TTC6: variants seen among roughly 807,000 people sequenced by gnomAD.
TTC6 encodes tetratricopeptide repeat domain 6.
A neutral mutation model predicts 210.4 loss-of-function variants in TTC6; 172 were observed. That is an observed-to-expected ratio of 0.82 (90% CI 0.72 to 0.93). TTC6 has a LOEUF of 0.93. Ranked by LOEUF, TTC6 falls within the 40% of genes least tolerant of loss-of-function variation. The pLI, the probability that TTC6 is intolerant of heterozygous loss-of-function variation, is 0.00. For synonymous variants in TTC6, 804 were observed against 819.6 expected, an observed-to-expected ratio of 0.98 and a Z score of 0.32; for missense variants, 2,414 against 2,318.1, an observed-to-expected ratio of 1.04 and a Z score of -0.85.
In TTC6 at chr14:37,833,191, C is replaced by T. The variant is rs2096190029; in HGVS notation, c.5298+5825C>T. 3.9e-5 allele frequency among the ~76,000 whole-genome samples: 6 copies of T among 151,996 alleles called. No individual in the cohort carries two copies. In the South Asian group the frequency reaches 1.2e-3, roughly 31 times the overall value. On this transcript the variant is annotated intron_variant, in intron 29 of 30. Coordinates refer to ENST00000553443, the Ensembl canonical transcript of TTC6. ...TGATTTTCTGTCTAGATAATCTGTCCAATGCTGAGTGAGGTGTTGAAGTCC... is the reference window on the plus strand; with the variant it reads ...TGATTTTCTGTCTAGATAATCTGTCTAATGCTGAGTGAGGTGTTGAAGTCC...
intron 23 of TTC6, 28 bp downstream of exon 25, chr14:37,807,488 G>T: frequency 6.9e-7 from 1 of 1,439,452 alleles, no homozygotes; most frequent in South Asian, 1.5e-5. Flanking sequence ...CTGGTTTACC[G>T]AAATTTTAGG....
chr14:37,638,804 A>G (rs1476865599), intron 1 of TTC6, among the ~76,000 whole-genome samples: 1 of 152,178 alleles, frequency 6.6e-6, no homozygotes, highest in Non-Finnish European at 1.5e-5. Flanking sequence ...ATATGAATCT[A>G]CAGTCATCTC....
At chr14:37,632,294 GT>G (rs1197751181) in intron 1 of TTC6, among the ~76,000 whole-genome samples, 9 of 152,140 alleles carry the variant, frequency 5.9e-5, no homozygotes, top group Non-Finnish European at 1.2e-4. Flanking sequence ...TTTGCATGGG[GT>G]TTTTGTGTGG....
intron 1 of TTC6, among the ~76,000 whole-genome samples, chr14:37,662,475 A>G (rs139775352): frequency 7.2e-5 from 11 of 152,214 alleles, no homozygotes; most frequent in Admixed American, 5.9e-4. Context: ...CGTATGTTGA[A>G]CCAGCCTTGC....
chr14:37,677,085 A>G (rs973020349), intron 1 of TTC6, among the ~76,000 whole-genome samples: 3 of 151,850 alleles, frequency 2.0e-5, no homozygotes, highest in South Asian at 2.1e-4. Context: ...CAGTTTTTCT[A>G]TTTCTGAAAA....
intron 14 of TTC6, among the ~76,000 whole-genome samples, chr14:37,770,451 G>A (rs1348606288): frequency 6.6e-6 from 1 of 151,546 alleles, no homozygotes; most frequent in Non-Finnish European, 1.5e-5. Context: ...TCTCTTTGTA[G>A]GTCACTCAGG....
Position 37,701,546 on chromosome 14 carries a change from T to C in TTC6, c.1571+20T>C. 7.0e-7 allele frequency: 1 copy of C among 1,430,874 alleles called. No homozygotes were observed. The highest frequency in any genetic ancestry group is 9.1e-7 in the Non-Finnish European group (1 of 1,097,652). The allele number at this position is 1,430,874 out of a possible 1,614,324, so 88.6% of individuals were successfully genotyped here. ...AGATAGGTAAGAGTTCCACTGGTAA[T>C]TTGATTTTAAGCTAAATGTAAACTG... On this transcript the variant is annotated intron_variant, in intron 5 of 30. Transcript: ENST00000553443.
intron 7 of TTC6, among the ~76,000 whole-genome samples, chr14:37,726,630 C>A (rs1481989637): frequency 6.6e-6 from 1 of 151,796 alleles, no homozygotes; most frequent in African/African-American, 2.4e-5. Context: ...AACTGGATAG[C>A]ATTTCATCAT....
chr14:37,637,186 A>G (rs2095682622), intron 1 of TTC6, among the ~76,000 whole-genome samples: 1 of 152,214 alleles, frequency 6.6e-6, no homozygotes. Flanking sequence ...AATCTGTCTC[A>G]TGGACTTAAA....
At chr14:37,597,393 T>A (rs897025329) in intron 1 of TTC6, among the ~76,000 whole-genome samples, 1 of 151,822 alleles carries the variant, frequency 6.6e-6, no homozygotes, top group African/African-American at 2.4e-5. Context: ...CTACCGAGAG[T>A]AACAATTTAT....
At chr14:37,608,732 T>G (rs2095629481) in intron 2 of TTC6, among the ~76,000 whole-genome samples, 1 of 152,182 alleles carries the variant, frequency 6.6e-6, no homozygotes, top group Non-Finnish European at 1.5e-5. Context: ...GGGCCCTAAT[T>G]GTGGGGAGCC....
At chr14:37,810,212 A>G (rs2096126892) in intron 24 of TTC6, among the ~76,000 whole-genome samples, 1 of 152,078 alleles carries the variant, frequency 6.6e-6, no homozygotes, top group Admixed American at 6.5e-5. Flanking sequence ...TGATTGAAAG[A>G]TCATTTATTA....
chr14:37,727,576 A>G (rs997935523), intron 7 of TTC6, among the ~76,000 whole-genome samples: 4 of 152,006 alleles, frequency 2.6e-5, no homozygotes, highest in Non-Finnish European at 5.9e-5. Context: ...TACAGGTGTG[A>G]GCCACCACGC....
At chr14:37,749,571 TTTTG>T in intron 11 of TTC6, 139 bp from the exon 14 acceptor site, 1 of 1,033,976 alleles carries the variant, frequency 9.7e-7, no homozygotes, top group East Asian at 3.0e-5. Context: ...AAAACATGAT[TTTTG>T]TTTGTCAGAT....
chr14:37,730,801 A>G (rs1477450421), intron 7 of TTC6, among the ~76,000 whole-genome samples: 1 of 152,180 alleles, frequency 6.6e-6, no homozygotes, highest in Non-Finnish European at 1.5e-5. Flanking sequence ...GTATTCGGAC[A>G]CTATAGTTCT....
Position 37,622,240 on chromosome 14 carries a change from CG to C in TTC6, c.178del (p.Ala60ProfsTer74), listed in dbSNP as rs2095652271. On this transcript the variant is annotated frameshift_variant, in exon 1 of 31. Coordinates refer to ENST00000553443, the Ensembl canonical transcript of TTC6. LOFTEE classifies it high-confidence loss of function. ...GTCCACAGCCTCCATGCCCCCGGCC[CG>C]GCCCGCCCCGCGCGCGTTTCCTGCG... is the stretch of plus-strand genomic sequence containing the variant. The C allele has an allele frequency of 2.0e-6, 3 of 1,535,318 alleles. No individual in the cohort carries two copies. Among genetic ancestry groups the C allele is most frequent in the Non-Finnish European group, 2.6e-6 (3 of 1,146,528 alleles).
chr14:37,659,766 C>G (rs1396902498), intron 1 of TTC6, among the ~76,000 whole-genome samples: 3 of 152,134 alleles, frequency 2.0e-5, no homozygotes, highest in Admixed American at 1.3e-4. Context: ...GGTGATCCGC[C>G]CACCTTGGCC....
chr14:37,760,397 T>C (rs575409738), intron 14 of TTC6, among the ~76,000 whole-genome samples: 1 of 152,314 alleles, frequency 6.6e-6, no homozygotes, highest in Non-Finnish European at 1.5e-5. Flanking sequence ...GGCACTGGCC[T>C]GATTCCAGCC....
exon 1 of TTC6, chr14:37,622,773 C>G: frequency 6.5e-7 from 1 of 1,534,766 alleles, no homozygotes; most frequent in South Asian, 1.2e-5. Context: ...GAGCGGGGCC[C>G]GCGAGGCGCG....
Sources: allele counts gnomAD v4.1 joint callset (sites outside exome capture counted in the v4.1 genomes callset), GRCh38; gene constraint gnomAD v4.1.1; transcripts MANE v1.5; gene names NCBI Gene and HGNC (gene_info 2026-07-23, HGNC 2026-07-21).